RTF1: variants seen among roughly 807,000 people sequenced by gnomAD.
RTF1 encodes RTF1 homolog, Paf1/RNA polymerase II complex component, also known as RNA polymerase-associated protein RTF1 homolog.
A neutral mutation model predicts 95.7 loss-of-function variants in RTF1; 10 were observed. The observed-to-expected ratio is 0.10, with a 90% CI of 0.06 to 0.18. RTF1 has a LOEUF of 0.18. Among genes scored for constraint, RTF1 ranks in the 10% least tolerant of loss-of-function variants. The pLI is 1.00. For synonymous variants in RTF1, 305 were observed against 311.8 expected (o/e 0.98, Z 0.23); for missense variants, 458 against 875.6 (o/e 0.52, Z 6.02).
chr15:41,438,502 G>A (rs2140951723), intron 2 of RTF1, 71 bp downstream of exon 2: 1 of 983,560 alleles, frequency 1.0e-6, no homozygotes, highest in East Asian at 2.7e-5. Context: ...GGCTCCTGTT[G>A]GCCTCATTTC....
chr15:41,441,201 G>C (rs2050733967), intron 2 of RTF1, among the ~76,000 whole-genome samples: 1 of 151,668 alleles, frequency 6.6e-6, no homozygotes, highest in African/African-American at 2.4e-5. Flanking sequence ...TCTATCTCCT[G>C]ACCTTGTGAT....
intron 1 of RTF1, among the ~76,000 whole-genome samples, chr15:41,435,318 AGT>A (rs907695006): frequency 8.6e-5 from 13 of 151,890 alleles, no homozygotes; most frequent in Admixed American, 1.3e-4. Context: ...ATATTAGAAA[AGT>A]ATATTAGAAA....
At chr15:41,477,416 CCCTT>C (rs1566850241) in intron 13 of RTF1, 38 bp from the exon 14 acceptor site, 26 of 1,613,242 alleles carry the variant, frequency 1.6e-5, no homozygotes, top group Admixed American at 3.3e-5. Flanking sequence ...TTCCCTCCCT[CCCTT>C]GTTTCACAGC....
chr15:41,456,501 A>G (rs1007644378), intron 3 of RTF1, among the ~76,000 whole-genome samples: 3 of 148,750 alleles, frequency 2.0e-5, no homozygotes, highest in Non-Finnish European at 1.5e-5. Flanking sequence ...AAAAAAAAAA[A>G]AAGAACTGCT....
At chr15:41,428,612 AC>A (rs909419519) in intron 1 of RTF1, among the ~76,000 whole-genome samples, 1 of 148,380 alleles carries the variant, frequency 6.7e-6, no homozygotes, top group African/African-American at 2.5e-5. Context: ...TCACTCTGTT[AC>A]CCAAGCTGAA....
At chr15:41,461,042 ATTT>A (rs879628124) in intron 4 of RTF1, among the ~76,000 whole-genome samples, 2 of 124,884 alleles carry the variant, frequency 1.6e-5, no homozygotes, top group African/African-American at 3.0e-5. Flanking sequence ...TGTCAAGCTA[ATTT>A]TTTTTTTTTT....
chr15:41,437,598 C>T (rs1002880828), intron 1 of RTF1, among the ~76,000 whole-genome samples: 3 of 152,082 alleles, frequency 2.0e-5, no homozygotes, highest in South Asian at 2.1e-4. Context: ...CCTTTTGTTG[C>T]GTTTTTGAGT....
chr15:41,447,171 C>T (rs561235575), intron 2 of RTF1, among the ~76,000 whole-genome samples: 27 of 152,308 alleles, frequency 1.8e-4, no homozygotes, highest in South Asian at 1.0e-3. Flanking sequence ...AGTTCAGAGT[C>T]ACTGGGTTGG....
intron 1 of RTF1, among the ~76,000 whole-genome samples, chr15:41,431,985 G>T (rs571820273): frequency 2.6e-5 from 4 of 151,924 alleles, no homozygotes; most frequent in African/African-American, 9.6e-5. Flanking sequence ...ATTTTTAGTA[G>T]AGACGTGGTT....
At chr15:41,474,517 T>C (rs886367298) in intron 8 of RTF1, 103 bp from the exon 9 acceptor site, 1 of 846,452 alleles carries the variant, frequency 1.2e-6, no homozygotes, top group Non-Finnish European at 2.1e-6. Flanking sequence ...TACTCAGCAC[T>C]CTATCAGTTG....
intron 4 of RTF1, among the ~76,000 whole-genome samples, chr15:41,463,060 A>G (rs919202212): frequency 1.3e-5 from 2 of 152,136 alleles, no homozygotes; most frequent in Non-Finnish European, 2.9e-5. Flanking sequence ...CGACCTGGAT[A>G]TTTTATATAA....
At chr15:41,437,038 G>T (rs1033528629) in intron 1 of RTF1, among the ~76,000 whole-genome samples, 3 of 151,932 alleles carry the variant, frequency 2.0e-5, no homozygotes, top group African/African-American at 4.8e-5. Context: ...AGTAAGCCGA[G>T]ATCTCGCCAC....
At chr15:41,421,288 C>G (rs1299009983) in intron 1 of RTF1, among the ~76,000 whole-genome samples, 3 of 152,052 alleles carry the variant, frequency 2.0e-5, no homozygotes, top group African/African-American at 7.2e-5. Context: ...GAAACCTCGT[C>G]TCTACTAAAA....
At chr15:41,432,842 G>A (rs1023755134) in intron 1 of RTF1, among the ~76,000 whole-genome samples, 1 of 152,154 alleles carries the variant, frequency 6.6e-6, no homozygotes, top group African/African-American at 2.4e-5. Flanking sequence ...GGGAGGCTGA[G>A]GCAGGAGAAT....
At chr15:41,442,653 A>G (rs2050741586) in intron 2 of RTF1, among the ~76,000 whole-genome samples, 1 of 152,048 alleles carries the variant, frequency 6.6e-6, no homozygotes, top group African/African-American at 2.4e-5. Context: ...TGGGAGGCCA[A>G]GGCAGGTAGA....
Position 41,471,178 on chromosome 15 carries a change from A to G in RTF1, c.1032A>G (p.Glu344=), listed in dbSNP as rs769483143. The change falls in exon 8 of 18, where the codon GAA becomes GAG. Residue 344 remains glutamate (E), a synonymous_variant. Transcript: ENST00000389629. Reference sequence around the variant, plus strand: ...GCCCCTTTGTTCCTCTTAGGAAAGAAGAGATCCCTCCCAAATCCCAACCAG... The same window carrying G: ...GCCCCTTTGTTCCTCTTAGGAAAGAGGAGATCCCTCCCAAATCCCAACCAG... The part of the protein sequence containing the change: ...TSSSDEEEEK[E]EIPPKSQPVS... The G allele has an allele frequency of 8.1e-6, 13 of 1,605,900 alleles. No homozygotes were observed. The African/African-American group carries it at 1.7e-4, about 22-fold the overall frequency.
chr15:41,429,456 C>A (rs1020982477), intron 1 of RTF1, among the ~76,000 whole-genome samples: 4 of 149,792 alleles, frequency 2.7e-5, no homozygotes, highest in Non-Finnish European at 5.9e-5. Flanking sequence ...TTTTCTCTCT[C>A]TCTCTCTTTC....
At chr15:41,470,886 C>T (rs932824893) in intron 7 of RTF1, among the ~76,000 whole-genome samples, 12 of 152,020 alleles carry the variant, frequency 7.9e-5, no homozygotes, top group African/African-American at 2.9e-4. Context: ...TCTCGATCTC[C>T]TGACCTCGTG....
chr15:41,481,000 G>T lies in RTF1; in HGVS notation c.*313G>T. On this transcript the variant is annotated 3_prime_UTR_variant, in exon 18 of 18. Coordinates refer to ENST00000389629, the MANE Select transcript of RTF1 (RefSeq NM_015138.5). ...GCGCAGTTCATTGGCCACTCTGCAC[G>T]CATTCAGTATTACCATGGAGCTGGG... The T allele has an allele frequency of 3.4e-6, 1 of 298,190 alleles. No homozygotes were observed. Among genetic ancestry groups the T allele is most frequent in the South Asian group, 4.2e-5 (1 of 23,664 alleles). 18.5% of individuals were successfully genotyped at this position (298,190 alleles called of 1,614,324 possible).
Sources: gnomAD v4.1 joint callset for allele counts (sites outside exome capture counted in the v4.1 genomes callset) on GRCh38, gnomAD v4.1.1 for gene constraint, MANE v1.5 for transcripts, NCBI Gene and HGNC (gene_info 2026-07-23, HGNC 2026-07-21) for gene names.